Variants in TWNK observed in about 807,000 individuals in gnomAD.
The protein encoded by TWNK is T7 gp4-like protein with intramitochondrial nucleoid localization.
In TWNK, 36 loss-of-function variants were observed where a neutral mutation model predicts 58.2. The observed-to-expected ratio is 0.62, with a 90% CI of 0.47 to 0.82. The LOEUF is 0.82. Among genes scored for constraint, TWNK ranks in the 40% least tolerant of loss-of-function variants. The pLI is 0.00. For synonymous variants in TWNK, 349 were observed against 348.5 expected, an observed-to-expected ratio of 1.00 and a Z score of -0.02; for missense variants, 714 against 881.0, an observed-to-expected ratio of 0.81 and a Z score of 2.40.
intron 4 of TWNK, 79 bp downstream of exon 4, chr10:100,991,089 T>A: frequency 3.1e-6 from 5 of 1,602,378 alleles, no homozygotes; most frequent in Non-Finnish European, 3.4e-6. Flanking sequence ...CATTCAGCCT[T>A]AATCGTCTTG....
Position 100,990,898 on chromosome 10 carries a change from T to A in TWNK, c.1622T>A (p.Val541Asp), listed in dbSNP as rs1304698591. 6.2e-7 allele frequency: 1 copy of A among 1,614,152 alleles called. No homozygotes were observed. The highest frequency in any genetic ancestry group is 8.5e-7 in the Non-Finnish European group (1 of 1,180,040). ...RIAAQDYIIG[V>D]FRKFATDNNC... ...GCAGCTCAAGACTACATCATCGGGG[T>A]CTTTCGGAAGTTTGCAACAGACAAT... Residue 541 changes from valine to aspartate, a missense_variant, in exon 4 of 5, where the codon GTC becomes GAC. By Grantham distance (152) the Val-to-Asp change is radical (BLOSUM62 -3). Around this residue, in one of 3 missense-constraint regions of TWNK, gnomAD observed 302 missense variants for 438.6 expected, o/e 0.69. Transcript: ENST00000311916.
At position 100,993,232 on chromosome 10, in the gene TWNK, A is replaced by G. The variant is rs1851832808; in HGVS notation, c.1777A>G (p.Lys593Glu). The G allele has an allele frequency of 6.2e-7, 1 of 1,614,070 alleles. No individual in the cohort carries two copies. The highest frequency in any genetic ancestry group is 1.3e-5 in the African/African-American group (1 of 74,934). Reference protein sequence around the residue: ...ADNVLILQDRKLVTGPGKRYL... With the variant: ...ADNVLILQDRELVTGPGKRYL... The stretch of plus-strand genomic sequence containing the variant: ...CAATGTTCTGATCCTGCAGGACAGG[A>G]AGCTGGTAACCGGGCCAGGGAAACG... The change falls in exon 5 of 5, where the codon AAG (lysine) becomes GAG (glutamate). Residue 593 changes from lysine (K) to glutamate (E), a missense_variant. This residue lies in a region of TWNK where 302 missense variants were observed against 438.6 expected (regional missense o/e 0.69). Coordinates refer to ENST00000311916, the MANE Select transcript of TWNK (RefSeq NM_021830.5).
Position 100,989,562 on chromosome 10 carries a change from C to T in TWNK, c.1244-82C>T, listed in dbSNP as rs866718993. 4.3e-6 allele frequency: 7 copies of T among 1,610,990 alleles called. No individual in the cohort carries two copies. The highest frequency in any genetic ancestry group is 2.0e-4 in the Middle Eastern group (1 of 4,994). On this transcript the variant is annotated intron_variant, in intron 1 of 4. Transcript: ENST00000311916. The surrounding 1 kb of genome is among the most constrained non-coding windows in gnomAD (Gnocchi z 7.6). ...TTGAAAAGAAGGTTGGCCCTTTCCCCCCAGTTTTAAAGCCCTGACCTATGT... is the reference window on the plus strand; with the variant it reads ...TTGAAAAGAAGGTTGGCCCTTTCCCTCCAGTTTTAAAGCCCTGACCTATGT...
chr10:100,987,604 G>T lies in TWNK; in HGVS notation c.-607G>T. The T allele has an allele frequency of 8.9e-7, 1 of 1,121,114 alleles. No individual in the cohort carries two copies. Among genetic ancestry groups the T allele is most frequent in the Non-Finnish European group, 1.2e-6 (1 of 810,618 alleles). 69.4% of individuals were successfully genotyped at this position (1,121,114 alleles called of 1,614,324 possible). A position where few individuals can be genotyped will look rare whatever the true frequency, so the allele number is the denominator to read the frequency against. ...CTCACGTTGCCGGCGAAGTGGGAGA[G>T]AGAAAAGTGGTAACCTGGGGCTGGG... is the stretch of plus-strand genomic sequence containing the variant. On this transcript the variant is annotated 5_prime_UTR_variant, in exon 1 of 5. Coordinates refer to ENST00000311916, the MANE Select transcript of TWNK (RefSeq NM_021830.5).
Position 100,988,345 on chromosome 10 carries a change from C to G in TWNK, c.135C>G (p.Leu45=). The G allele has an allele frequency of 6.2e-7, 1 of 1,614,278 alleles. No individual in the cohort carries two copies. Among genetic ancestry groups the G allele is most frequent in the South Asian group, 1.1e-5 (1 of 91,088 alleles). Residue 45 remains leucine (L), a synonymous_variant, in exon 1 of 5, where the codon CTC becomes CTG. Transcript: ENST00000311916. The surrounding 1 kb of genome is among the most constrained non-coding windows in gnomAD (Gnocchi z 5.2). ...PPRRRYRKET[L]QALDMPVLPV... The stretch of plus-strand genomic sequence containing the variant: ...GCAGACGTTACAGGAAGGAGACTCT[C>G]CAAGCCTTGGATATGCCAGTGTTGC...
chr10:100,990,891 A>T lies in TWNK; in HGVS notation c.1615A>T (p.Ile539Phe), dbSNP rs200192223. Residue 539 changes from isoleucine to phenylalanine, a missense_variant, in exon 4 of 5, where the codon ATC (isoleucine) becomes TTC (phenylalanine). This residue lies in a region of TWNK where 302 missense variants were observed against 438.6 expected (regional missense o/e 0.69). Transcript: ENST00000311916. ...TDRIAAQDYI[I>F]GVFRKFATDN... ...TAGGATCGCAGCTCAAGACTACATC[A>T]TCGGGGTCTTTCGGAAGTTTGCAAC... The T allele has an allele frequency of 6.2e-7, 1 of 1,614,256 alleles. No individual in the cohort carries two copies. The highest frequency in any genetic ancestry group is 8.5e-7 in the Non-Finnish European group (1 of 1,180,048).
rs768792879 is a variant in TWNK, at chr10:100,989,443, G to C, written c.1233G>C (p.Thr411=). ...AGGGACATCGAAAGGGCGAGCTGAC[G>C]GTCTTCACAGGTAACCCTTTGAGAA... ...ILKGHRKGEL[T]VFTGPTGSGK... Residue 411 remains threonine (T), a synonymous_variant, in exon 1 of 5, where the codon ACG becomes ACC. Coordinates refer to ENST00000311916, the MANE Select transcript of TWNK (RefSeq NM_021830.5). This position sits in a 1 kb window ranked among gnomAD's most constrained non-coding sequence, Gnocchi z 7.6. The C allele has an allele frequency of 6.2e-7, 1 of 1,613,730 alleles. No individual in the cohort carries two copies. The highest frequency in any genetic ancestry group is 8.5e-7 in the Non-Finnish European group (1 of 1,180,042).
In TWNK at chr10:100,993,408, G is replaced by A. The variant is rs771310512; in HGVS notation, c.1953G>A (p.Lys651=). 6 of 1,614,070 alleles carry A rather than the reference G, an allele frequency of 3.7e-6. No individual in the cohort carries two copies. In the African/African-American group the frequency reaches 6.7e-5, roughly 18 times the overall value. Residue 651 remains lysine, a synonymous_variant, in exon 5 of 5, where the codon AAG becomes AAA. Coordinates refer to ENST00000311916, the MANE Select transcript of TWNK (RefSeq NM_021830.5). ...ATGACACTGGACCAGTGGCCAAAAA[G>A]CCCTCTTCTGGCAAAAAGGGGGCTA... ...IKDDTGPVAK[K]PSSGKKGATT...
chr10:100,990,639 C>A, intron 3 of TWNK, 96 bp downstream of exon 3: 1 of 1,609,358 alleles, frequency 6.2e-7, no homozygotes, highest in South Asian at 1.1e-5. Context: ...ATGCTGTGCT[C>A]TCCTATTTTC....
In TWNK at chr10:100,989,732, C is replaced by T. The variant is rs760422059; in HGVS notation, c.1332C>T (p.Phe444=). The T allele has an allele frequency of 1.4e-5, 22 of 1,614,042 alleles. No individual in the cohort carries two copies. Among genetic ancestry groups the T allele is most frequent in the East Asian group, 6.7e-5 (3 of 44,888 alleles). Residue 444 remains phenylalanine, a synonymous_variant, in exon 2 of 5, where the codon TTC becomes TTT. Transcript: ENST00000311916. This position sits in a 1 kb window ranked among gnomAD's most constrained non-coding sequence, Gnocchi z 7.6. The stretch of plus-strand genomic sequence containing the variant: ...GGGTGAACACACTGTGGGGTAGCTT[C>T]GAGATCAGCAATGTGAGACTAGCCC... ...SQGVNTLWGS[F]EISNVRLARV...
In TWNK at chr10:100,988,235, T is replaced by C; in HGVS notation, c.25T>C (p.Tyr9His). ...AATGTGGGTCCTCCTCCGAAGTGGG[T>C]ACCCCCTCCGTATCTTGTTACCCCT... MWVLLRSG[Y>H]PLRILLPLRG... Residue 9 changes from tyrosine (Y) to histidine (H), a missense_variant, in exon 1 of 5, where the codon TAC (tyrosine) becomes CAC (histidine). By Grantham distance (83) the Tyr-to-His change is moderately conservative. Transcript: ENST00000311916. The surrounding 1 kb of genome is among the most constrained non-coding windows in gnomAD (Gnocchi z 5.2). 6.2e-7 allele frequency: 1 copy of C among 1,614,164 alleles called. No individual in the cohort carries two copies. Among genetic ancestry groups the C allele is most frequent in the Non-Finnish European group, 8.5e-7 (1 of 1,180,034 alleles).
intron 3 of TWNK, 139 bp downstream of exon 3, chr10:100,990,682 T>G: frequency 6.3e-7 from 1 of 1,598,104 alleles, no homozygotes; most frequent in East Asian, 2.2e-5. Context: ...CACCCCCATG[T>G]GTATCATATG....
Position 100,993,440 on chromosome 10 carries a change from A to G in TWNK, c.1985A>G (p.Gln662Arg). Residue 662 changes from glutamine to arginine, a missense_variant, in exon 5 of 5, where the codon CAG becomes CGG. Coordinates refer to ENST00000311916, the MANE Select transcript of TWNK (RefSeq NM_021830.5). Reference protein sequence around the residue: ...PSSGKKGATTQNSEICSGQAP... With the variant: ...PSSGKKGATTRNSEICSGQAP... ...TCTGGCAAAAAGGGGGCTACGACAC[A>G]GAACTCTGAGATTTGCTCAGGCCAG... 1 of 1,614,242 alleles carries G rather than the reference A, an allele frequency of 6.2e-7. No homozygotes were observed. The highest frequency in any genetic ancestry group is 1.1e-5 in the South Asian group (1 of 91,088).
Position 100,987,620 on chromosome 10 carries a change from T to A in TWNK, c.-591T>A. On this transcript the variant is annotated 5_prime_UTR_variant, in exon 1 of 5. Transcript: ENST00000311916. ...AGTGGGAGAGAGAAAAGTGGTAACCTGGGGCTGGGGGCCGGCGCGGCGGAG... is the reference window on the plus strand; with the variant it reads ...AGTGGGAGAGAGAAAAGTGGTAACCAGGGGCTGGGGGCCGGCGCGGCGGAG... The A allele has an allele frequency of 1.1e-6, 1 of 919,052 alleles. No homozygotes were observed. The highest frequency in any genetic ancestry group is 1.6e-6 in the Non-Finnish European group (1 of 629,500). 56.9% of individuals were successfully genotyped at this position (919,052 alleles called of 1,614,324 possible). A position where few individuals can be genotyped will look rare whatever the true frequency, so the allele number is the denominator to read the frequency against.
intron 3 of TWNK, 40 bp from the exon 4 acceptor site, chr10:100,990,829 C>G: frequency 6.2e-7 from 1 of 1,611,270 alleles, no homozygotes; most frequent in South Asian, 1.1e-5. Flanking sequence ...TCTTGTCCTT[C>G]TGTGTCTGAT....
rs766599320 is a variant in TWNK, at chr10:100,988,841, C to G, written c.631C>G (p.Pro211Ala). 2 of 1,614,174 alleles carry G rather than the reference C, an allele frequency of 1.2e-6. No homozygotes were observed. Among genetic ancestry groups the G allele is most frequent in the Non-Finnish European group, 1.7e-6 (2 of 1,180,032 alleles). The change falls in exon 1 of 5, where the codon CCT becomes GCT. Residue 211 changes from proline to alanine, a missense_variant. By Grantham distance (27) the Pro-to-Ala change is conservative. Around this residue, in one of 3 missense-constraint regions of TWNK, gnomAD observed 348 missense variants for 388.4 expected, o/e 0.90. Transcript: ENST00000311916. This position sits in a 1 kb window ranked among gnomAD's most constrained non-coding sequence, Gnocchi z 5.2. ...CAGTCTTGTCTTCCCTTGGTTCTCC[C>G]CTGGGGGCTCAGGATTACGAGGCCT... ...ARSLVFPWFS[P>A]GGSGLRGLKL...
In TWNK at chr10:100,988,294, C is replaced by A. The variant is rs1215963512; in HGVS notation, c.84C>A (p.Pro28=). ...AGTGGATGGGTCGGAGGGGCCTGCC[C>A]CGAAACTTGGCCCCAGGCCCTCCTC... ...RGEWMGRRGL[P]RNLAPGPPRR... The change falls in exon 1 of 5, where the codon CCC becomes CCA. Residue 28 remains proline, a synonymous_variant. Coordinates refer to ENST00000311916, the MANE Select transcript of TWNK (RefSeq NM_021830.5). The surrounding 1 kb of genome is among the most constrained non-coding windows in gnomAD (Gnocchi z 5.2). 1 of 1,614,202 alleles carries A rather than the reference C, an allele frequency of 6.2e-7. No individual in the cohort carries two copies.
chr10:100,988,281 G>A lies in TWNK; in HGVS notation c.71G>A (p.Arg24Gln), dbSNP rs1177027091. ...CCCCTGCGTGGGGAGTGGATGGGTC[G>A]GAGGGGCCTGCCCCGAAACTTGGCC... ...LLPLRGEWMG[R>Q]RGLPRNLAPG... Residue 24 changes from arginine to glutamine, a missense_variant, in exon 1 of 5, where the codon CGG (arginine) becomes CAG (glutamine). Physicochemically the swap from Arg to Gln is conservative, Grantham distance 43 (BLOSUM62 1). Around this residue, in one of 3 missense-constraint regions of TWNK, gnomAD observed 348 missense variants for 388.4 expected, o/e 0.90. Coordinates refer to ENST00000311916, the MANE Select transcript of TWNK (RefSeq NM_021830.5). The surrounding 1 kb of genome is among the most constrained non-coding windows in gnomAD (Gnocchi z 5.2). 1 of 1,613,786 alleles carries A rather than the reference G, an allele frequency of 6.2e-7. No homozygotes were observed. The highest frequency in any genetic ancestry group is 1.3e-5 in the African/African-American group (1 of 74,944).
At chr10:100,990,380 C>T in intron 2 of TWNK, 56 bp from the exon 3 acceptor site, 1 of 1,265,838 alleles carries the variant, frequency 7.9e-7, no homozygotes, top group Non-Finnish European at 1.2e-6. Context: ...GCTAGTTCTT[C>T]TGCCTGGGGT....
Sources: gnomAD v4.1 joint callset for allele counts on GRCh38, gnomAD v4.1.1 for gene constraint, gnomAD v4.1.1 regional missense constraint, Gnocchi (gnomAD v3.1) non-coding constraint, MANE v1.5 for transcripts, NCBI Gene and HGNC (gene_info 2026-07-23, HGNC 2026-07-21) for gene names.